Variants in TEDC2 observed in about 807,000 individuals in gnomAD.
TEDC2 encodes the protein tubulin epsilon and delta complex 2, also known as tubulin epsilon and delta complex protein 2.
Under a neutral mutation model 48.1 loss-of-function variants are expected in TEDC2, and 49 were observed. The ratio of observed to expected loss-of-function variants is 1.02; its 90% CI spans 0.81 to 1.29. The LOEUF (loss-of-function observed/expected upper bound fraction) is 1.29, where lower values mean the gene tolerates loss of function less well. Among genes scored for constraint, TEDC2 ranks in the 50% most tolerant of loss-of-function variants. The pLI is 0.00. For missense variants in TEDC2, 631 were observed against 571.4 expected, an observed-to-expected ratio of 1.10 and a Z score of -1.06; for synonymous variants, 299 against 247.1, an observed-to-expected ratio of 1.21 and a Z score of -1.97.
chr16:2,461,136 C>T lies in TEDC2; in HGVS notation c.517C>T (p.Pro173Ser), dbSNP rs760266346. The T allele has an allele frequency of 1.9e-6, 3 of 1,557,808 alleles. No homozygotes were observed. The highest frequency in any genetic ancestry group is 4.5e-5 in the East Asian group (2 of 44,346). Residue 173 changes from proline (P) to serine (S), a missense_variant, in exon 4 of 10, where the codon CCC becomes TCC. Transcript: ENST00000361837. ...GTRVGMGART[P>S]RPGAGLRDQQ... The stretch of plus-strand genomic sequence containing the variant: ...CCGTGTTGGGATGGGAGCCCGAACC[C>T]CCAGGCCTGGGGCGGGCCTCAGGGA...
chr16:2,460,732 G>A, intron 3 of TEDC2, 39 bp downstream of exon 3: 1 of 1,612,602 alleles, frequency 6.2e-7, no homozygotes, highest in Non-Finnish European at 8.5e-7. Flanking sequence ...GTGCTGCTCT[G>A]GCCTGTCTGC....
At chr16:2,462,768 G>A (rs1214804107) in intron 8 of TEDC2, 36 bp downstream of exon 8, 1 of 1,499,888 alleles carries the variant, frequency 6.7e-7, no homozygotes, top group Non-Finnish European at 8.9e-7. Flanking sequence ...CCTGCACTGA[G>A]GTCTGGGCCG....
rs541593454 is a variant in TEDC2 at position 2,464,039 on chromosome 16, C to T, written c.965C>T (p.Ala322Val). Residue 322 changes from alanine (A) to valine (V), a missense_variant and splice_region_variant, in exon 9 of 10, where the codon GCG becomes GTG. Physicochemically the swap from Ala to Val is moderately conservative, Grantham distance 64. Coordinates refer to ENST00000361837, the MANE Select transcript of TEDC2 (RefSeq NM_025108.3). ...CLHRLQELRA[A>V]VAEQPPRPCP... ...AGGCCACATTCTCCTGTGCACACAG[C>T]GGTGGCGGAACAGCCACCAAGACCA... is the stretch of plus-strand genomic sequence containing the variant. 1.2e-5 allele frequency: 20 copies of T among 1,611,404 alleles called. No homozygotes were observed. Among genetic ancestry groups the T allele is most frequent in the Admixed American group, 6.7e-5 (4 of 59,962 alleles).
At chr16:2,460,602 C>T (rs4786284) in intron 2 of TEDC2, 21 bp from the exon 3 acceptor site, 1,098,018 of 1,611,464 alleles carry the variant, frequency 0.68, 375,873 homozygotes, top group Admixed American at 0.78. Flanking sequence ...GGCCGTGCGA[C>T]GGCTGCCCGT....
At chr16:2,462,362 G>T in intron 6 of TEDC2, 53 bp from the exon 7 acceptor site, 1 of 1,606,078 alleles carries the variant, frequency 6.2e-7, no homozygotes, top group South Asian at 1.1e-5. Context: ...CCCCGTTCTT[G>T]GTGGGAGCAG....
chr16:2,461,161 A>T lies in TEDC2; in HGVS notation c.542A>T (p.Asp181Val). 1 of 1,524,270 alleles carries T rather than the reference A, an allele frequency of 6.6e-7. No homozygotes were observed. The highest frequency in any genetic ancestry group is 8.8e-7 in the Non-Finnish European group (1 of 1,136,738). The allele number at this position is 1,524,270 out of a possible 1,614,324, so 94.4% of individuals were successfully genotyped here. A position where few individuals can be genotyped will look rare whatever the true frequency, so the allele number is the denominator to read the frequency against. ...CCCAGGCCTGGGGCGGGCCTCAGGG[A>T]CCAGCAAATGGCCCCATCCGCTGCT... ...RTPRPGAGLRDQQMAPSAAPQ... is the reference protein window; with the variant it reads ...RTPRPGAGLRVQQMAPSAAPQ... The change falls in exon 4 of 10, where the codon GAC becomes GTC. Residue 181 changes from aspartate to valine, a missense_variant. By Grantham distance (152) the Asp-to-Val change is radical. Transcript: ENST00000361837.
chr16:2,464,893 G>T lies in TEDC2; in HGVS notation c.*225G>T. On this transcript the variant is annotated 3_prime_UTR_variant, in exon 10 of 10. Coordinates refer to ENST00000361837, the MANE Select transcript of TEDC2 (RefSeq NM_025108.3). The stretch of plus-strand genomic sequence containing the variant: ...CAGAGGCCAGCGGGGAGCCTTTCCT[G>T]GCTCCCTCTGTTTTCTCTCACTGTA... 1 of 590,740 alleles carries T rather than the reference G, an allele frequency of 1.7e-6. No individual in the cohort carries two copies. The highest frequency in any genetic ancestry group is 2.1e-5 in the South Asian group (1 of 48,602). The allele number at this position is 590,740 out of a possible 1,614,324, so 36.6% of individuals were successfully genotyped here. A position where few individuals can be genotyped will look rare whatever the true frequency, so the allele number is the denominator to read the frequency against.
Position 2,460,277 on chromosome 16 carries a change from C to T in TEDC2, c.27-6C>T. On this transcript the variant is annotated splice_polypyrimidine_tract_variant and splice_region_variant and intron_variant, in intron 1 of 9. Coordinates refer to ENST00000361837, the MANE Select transcript of TEDC2 (RefSeq NM_025108.3). ...CGAGGTGCTGAGCCGCCGGTGCGTC[C>T]CCCAGGCTGGTGGCCGAGCTGCAGG... is the stretch of plus-strand genomic sequence containing the variant. 1.3e-6 allele frequency: 2 copies of T among 1,524,396 alleles called. No individual in the cohort carries two copies. The highest frequency in any genetic ancestry group is 1.8e-6 in the Non-Finnish European group (2 of 1,141,580). The allele number at this position is 1,524,396 out of a possible 1,614,324, so 94.4% of individuals were successfully genotyped here.
rs1206241607 is a variant in TEDC2 at position 2,462,218 on chromosome 16, C to T, written c.729C>T (p.Phe243=). 5.0e-6 allele frequency: 8 copies of T among 1,613,426 alleles called. No individual in the cohort carries two copies. The highest frequency in any genetic ancestry group is 6.8e-6 in the Non-Finnish European group (8 of 1,180,020). ...STDAAAAKTQ[F]LQNMQTASGG... ...ATGCCGCCGCTGCCAAAACCCAGTT[C>T]CTCCAGAACATGCAGACAGCTGTAT... The change falls in exon 6 of 10, where the codon TTC becomes TTT. Residue 243 remains phenylalanine (F), a synonymous_variant. Coordinates refer to ENST00000361837, the MANE Select transcript of TEDC2 (RefSeq NM_025108.3).
chr16:2,462,731 A>T lies in TEDC2; in HGVS notation c.963A>T (p.Ala321=). ...TGCACAGGCTGCAGGAGCTGCGTGC[A>T]GGTGAGACCCCGCCCCCACCCTGCC... ...QCLHRLQELR[A]AVAEQPPRPC... is the part of the protein sequence containing the mutation. The change falls in exon 8 of 10, where the codon GCA becomes GCT. Residue 321 remains alanine (A), a splice_region_variant and synonymous_variant. Transcript: ENST00000361837. The T allele has an allele frequency of 1.3e-6, 2 of 1,538,454 alleles. No individual in the cohort carries two copies. The highest frequency in any genetic ancestry group is 1.7e-6 in the Non-Finnish European group (2 of 1,144,752).
chr16:2,460,421 G>A (rs924768823), intron 2 of TEDC2, 40 bp downstream of exon 2: 3 of 1,541,542 alleles, frequency 1.9e-6, no homozygotes, highest in East Asian at 4.9e-5. Flanking sequence ...CCTCCCTCGG[G>A]CCCTCAGAGT....
Position 2,464,716 on chromosome 16 carries a change from TCTTC to T in TEDC2, c.*50_*53del, listed in dbSNP as rs1275913160. ...CCTGTTCAGATGGGGATTGGGGGTG[TCTTC>T]CCTGGCACTGTGCTCGGGGACCCAG... On this transcript the variant is annotated 3_prime_UTR_variant, in exon 10 of 10. Transcript: ENST00000361837. 3.7e-6 allele frequency: 6 copies of T among 1,608,476 alleles called. No homozygotes were observed. The highest frequency in any genetic ancestry group is 1.3e-5 in the African/African-American group (1 of 74,818).
In TEDC2 at chr16:2,464,085, C is replaced by T. The variant is rs777541604; in HGVS notation, c.1011C>T (p.Pro337=). Residue 337 remains proline, a synonymous_variant, in exon 9 of 10, where the codon CCC becomes CCT. Coordinates refer to ENST00000361837, the MANE Select transcript of TEDC2 (RefSeq NM_025108.3). ...GACCATGTCCTGTGGGGAGGCCCCC[C>T]GGAGCCTCGCCGTCCTGTGGGGGTA... ...PPRPCPVGRP[P]GASPSCGGRA... is the part of the protein sequence containing the mutation. 2.5e-5 allele frequency: 40 copies of T among 1,612,732 alleles called. No individual in the cohort carries two copies. Among genetic ancestry groups the T allele is most frequent in the Admixed American group, 2.2e-4 (13 of 59,990 alleles).
chr16:2,460,354 G>A lies in TEDC2; in HGVS notation c.98G>A (p.Arg33His). The A allele has an allele frequency of 6.5e-7, 1 of 1,544,360 alleles. No individual in the cohort carries two copies. Among genetic ancestry groups the A allele is most frequent in the Non-Finnish European group, 8.7e-7 (1 of 1,146,178 alleles). The change falls in exon 2 of 10, where the codon CGC (arginine) becomes CAC (histidine). Residue 33 changes from arginine (R) to histidine (H), a missense_variant. Physicochemically the swap from Arg to His is conservative, Grantham distance 29 (BLOSUM62 0). Transcript: ENST00000361837. ...QRQLQLEQSL[R>H]VCRRLLHAWE... is the part of the protein sequence containing the mutation. Reference sequence around the variant, plus strand: ...CAATTGCAATTGGAGCAGAGCCTGCGCGTTTGCCGTCGGCTGCTGCATGCC... The same window carrying A: ...CAATTGCAATTGGAGCAGAGCCTGCACGTTTGCCGTCGGCTGCTGCATGCC...
At chr16:2,463,300 G>A (rs536981637) in intron 8 of TEDC2, among the ~76,000 whole-genome samples, 11 of 151,316 alleles carry the variant, frequency 7.3e-5, no homozygotes, top group African/African-American at 2.2e-4. Flanking sequence ...CAGCCTGGGC[G>A]ACAGAGTGAG....
chr16:2,464,062 C>T lies in TEDC2; in HGVS notation c.988C>T (p.Pro330Ser). 6.2e-7 allele frequency: 1 copy of T among 1,612,810 alleles called. No individual in the cohort carries two copies. Among genetic ancestry groups the T allele is most frequent in the South Asian group, 1.1e-5 (1 of 91,070 alleles). The change falls in exon 9 of 10, where the codon CCA (proline) becomes TCA (serine). Residue 330 changes from proline (P) to serine (S), a missense_variant. Pro to Ser is a moderately conservative substitution (Grantham distance 74). Transcript: ENST00000361837. ...AGCGGTGGCGGAACAGCCACCAAGA[C>T]CATGTCCTGTGGGGAGGCCCCCCGG... ...RAAVAEQPPRPCPVGRPPGAS... is the reference protein window; with the variant it reads ...RAAVAEQPPRSCPVGRPPGAS...
In TEDC2 at chr16:2,461,149, CG is replaced by C; in HGVS notation, c.533del (p.Gly178AlafsTer100). The C allele has an allele frequency of 6.5e-7, 1 of 1,536,992 alleles. No individual in the cohort carries two copies. Among genetic ancestry groups the C allele is most frequent in the Non-Finnish European group, 8.8e-7 (1 of 1,141,548 alleles). ...GMGARTPRPG[A>X]GLRDQQMAPS... ...GGAGCCCGAACCCCCAGGCCTGGGG[CG>C]GGCCTCAGGGACCAGCAAATGGCCC... On this transcript the variant is annotated frameshift_variant, in exon 4 of 10. Transcript: ENST00000361837. LOFTEE classifies it high-confidence loss of function.
rs745613709 is a variant in TEDC2, at chr16:2,462,144, C to T, written c.660-5C>T. 5 of 1,612,758 alleles carry T rather than the reference C, an allele frequency of 3.1e-6. No homozygotes were observed. Among genetic ancestry groups the T allele is most frequent in the East Asian group, 2.2e-5 (1 of 44,892 alleles). ...TCCTCTGTGCACCCCACGTGTGCAC[C>T]CCAGCCTGTGGGCCCAGCTCAGTTC... On this transcript the variant is annotated splice_polypyrimidine_tract_variant and splice_region_variant and intron_variant, in intron 5 of 9. Transcript: ENST00000361837.
intron 8 of TEDC2, 144 bp downstream of exon 8, chr16:2,462,876 G>A (rs937741743): frequency 4.2e-6 from 3 of 713,020 alleles, no homozygotes; most frequent in Admixed American, 2.9e-5. Context: ...CCCCTCCCAC[G>A]CCACTCCCCA....
Sources: gnomAD v4.1 joint callset for allele counts (sites outside exome capture counted in the v4.1 genomes callset) on GRCh38, gnomAD v4.1.1 for gene constraint, MANE v1.5 for transcripts, NCBI Gene and HGNC (gene_info 2026-07-23, HGNC 2026-07-21) for gene names.